MTUS2: variants seen among roughly 807,000 people sequenced by gnomAD.
The protein encoded by MTUS2 is microtubule associated scaffold protein 2.
Under a neutral mutation model 114.1 loss-of-function variants are expected in MTUS2, and 40 were observed. The ratio of observed to expected loss-of-function variants is 0.35; its 90% CI spans 0.27 to 0.46. The LOEUF (loss-of-function observed/expected upper bound fraction) is 0.46. Ranked by LOEUF, MTUS2 falls within the 20% of genes least tolerant of loss-of-function variation. The probability of loss-of-function intolerance (pLI) is 1.00; values close to 1 mark genes in which losing one functional copy is unlikely to be tolerated. For synonymous variants in MTUS2, 688 were observed against 672.0 expected (o/e 1.02, Z -0.37); for missense variants, 1,679 against 1,705.4 (o/e 0.98, Z 0.27).
chr13:29,213,367 A>G (rs1475340517), intron 5 of MTUS2, among the ~76,000 whole-genome samples: 1 of 152,026 alleles, frequency 6.6e-6, no homozygotes, highest in East Asian at 1.9e-4. Flanking sequence ...GTTGTTTGAT[A>G]GCATTGTCAA....
At chr13:29,099,402 A>G (rs539562255) in intron 4 of MTUS2, among the ~76,000 whole-genome samples, 12 of 152,240 alleles carry the variant, frequency 7.9e-5, no homozygotes, top group African/African-American at 2.9e-4. Flanking sequence ...TTCTGCCTTT[A>G]CTGGACACAC....
chr13:29,207,981 A>C (rs1221882378), intron 5 of MTUS2, among the ~76,000 whole-genome samples: 1 of 152,048 alleles, frequency 6.6e-6, no homozygotes, highest in Non-Finnish European at 1.5e-5. Context: ...CTGTCTTTTG[A>C]AATAGTGTCA....
At chr13:29,483,814 C>T (rs1881385925) in intron 10 of MTUS2, 1 of 152,226 alleles carries the variant, frequency 6.6e-6, no homozygotes, top group South Asian at 2.1e-4. Flanking sequence ...TGCCAAATTG[C>T]CACAGCTTCC....
chr13:29,389,405 A>G lies in MTUS2; in HGVS notation c.3117+29932A>G, dbSNP rs1593386193. Among the ~76,000 whole-genome samples, 3 of 101,694 alleles carry G rather than the reference A, an allele frequency of 3.0e-5. 1 individual carries two copies. In the East Asian group the frequency reaches 8.8e-4, roughly 30 times the overall value. The allele number at this position is 101,694 out of a possible 152,430, so 66.7% of individuals were successfully genotyped here. A position where few individuals can be genotyped will look rare whatever the true frequency, so the allele number is the denominator to read the frequency against. On this transcript the variant is annotated intron_variant, in intron 8 of 15. Coordinates refer to ENST00000612955, the MANE Select transcript of MTUS2 (RefSeq NM_001033602.4). ...TGTATACACGTGTGTGTATATATGT[A>G]TACACGTGTGTGTGTATGTATACAC...
intron 2 of MTUS2, among the ~76,000 whole-genome samples, chr13:28,840,293 A>T (rs1331638082): frequency 6.6e-6 from 1 of 152,178 alleles, no homozygotes; most frequent in East Asian, 1.9e-4. Flanking sequence ...GGGAGGAAAA[A>T]CGTGAATGCA....
intron 6 of MTUS2, among the ~76,000 whole-genome samples, chr13:29,283,625 C>T (rs577876943): frequency 7.9e-5 from 12 of 152,102 alleles, no homozygotes; most frequent in African/African-American, 9.7e-5. Flanking sequence ...CATTACTGGA[C>T]GCTATCCCCA....
At chr13:29,114,561 G>A (rs530766544) in intron 5 of MTUS2, among the ~76,000 whole-genome samples, 2 of 152,270 alleles carry the variant, frequency 1.3e-5, no homozygotes, top group South Asian at 4.1e-4. Flanking sequence ...AAGTAGGAGG[G>A]GGAGAGAAAT....
At chr13:29,498,284 T>A in intron 13 of MTUS2, 134 bp from the exon 14 acceptor site, 1 of 1,264,788 alleles carries the variant, frequency 7.9e-7, no homozygotes, top group Non-Finnish European at 1.1e-6. Context: ...GTGAGCATCC[T>A]CTCTCTTTGG....
intron 5 of MTUS2, among the ~76,000 whole-genome samples, chr13:29,196,083 A>G (rs1468711408): frequency 6.6e-6 from 1 of 151,248 alleles, no homozygotes; most frequent in Non-Finnish European, 1.5e-5. Flanking sequence ...ATGACACAGG[A>G]CTAAACTACT....
At chr13:29,133,954 C>G (rs1891868400) in intron 5 of MTUS2, among the ~76,000 whole-genome samples, 1 of 152,158 alleles carries the variant, frequency 6.6e-6, no homozygotes, top group South Asian at 2.1e-4. Flanking sequence ...TCTTCTCATT[C>G]AAGTTCCTTA....
rs71090240 is a variant in MTUS2, at chr13:29,318,391, C to CTTTTT, written c.2807-6215_2807-6211dup. On this transcript the variant is annotated intron_variant, in intron 6 of 15. Coordinates refer to ENST00000612955, the MANE Select transcript of MTUS2 (RefSeq NM_001033602.4). Reference sequence around the variant, plus strand: ...CTATTATCATTTGTTATTTCTTTTTCTTTTTTTTTTTGAGATGACAGCCTC... The same window carrying CTTTTT: ...CTATTATCATTTGTTATTTCTTTTTCTTTTTTTTTTTTTTTTGAGATGACAGCCTC... Among the ~76,000 whole-genome samples the CTTTTT allele has an allele frequency of 6.7e-5, 9 of 135,038 alleles. 1 individual carries two copies. Among genetic ancestry groups the CTTTTT allele is most frequent in the East Asian group, 2.1e-4 (1 of 4,728 alleles). The allele number at this position is 135,038 out of a possible 152,430, so 88.6% of individuals were successfully genotyped here.
intron 7 of MTUS2, among the ~76,000 whole-genome samples, chr13:29,327,308 G>A (rs955308831): frequency 1.3e-5 from 2 of 152,094 alleles, no homozygotes; most frequent in African/African-American, 4.8e-5. Flanking sequence ...TGTGTACGCA[G>A]CTGTGAAACC....
At chr13:29,088,894 G>A (rs2138766598) in intron 4 of MTUS2, among the ~76,000 whole-genome samples, 1 of 152,212 alleles carries the variant, frequency 6.6e-6, no homozygotes, top group Admixed American at 6.5e-5. Context: ...ACACAGTTGG[G>A]TCTTGCTTAT....
intron 2 of MTUS2, among the ~76,000 whole-genome samples, chr13:28,878,243 G>GTA (rs746993039): frequency 6.8e-6 from 1 of 147,204 alleles, no homozygotes; most frequent in Non-Finnish European, 1.5e-5. Flanking sequence ...GTATATATAT[G>GTA]TATATATGTG....
chr13:29,158,894 A>T (rs1212280067), intron 5 of MTUS2, among the ~76,000 whole-genome samples: 1 of 152,172 alleles, frequency 6.6e-6, no homozygotes, highest in African/African-American at 2.4e-5. Context: ...GCCTCCAGAG[A>T]AGCCCACCAG....
chr13:29,011,632 T>G (rs1885848508), intron 2 of MTUS2, among the ~76,000 whole-genome samples: 1 of 152,188 alleles, frequency 6.6e-6, no homozygotes, highest in African/African-American at 2.4e-5. Flanking sequence ...AATAATATGG[T>G]TTTTCCTTTT....
intron 11 of MTUS2, among the ~76,000 whole-genome samples, chr13:29,488,437 CTTTT>C (rs35983023): frequency 5.3e-5 from 6 of 113,784 alleles, no homozygotes; most frequent in African/African-American, 1.0e-4. Context: ...TTTTTTTCCT[CTTTT>C]TTTTTTTTTT....
At chr13:29,375,614 T>TA (rs1566163721) in intron 8 of MTUS2, among the ~76,000 whole-genome samples, 2 of 7,020 alleles carry the variant, frequency 2.8e-4, no homozygotes, top group Admixed American at 3.0e-3. Flanking sequence ...TATACGTATA[T>TA]ATATATATAT....
intron 2 of MTUS2, among the ~76,000 whole-genome samples, chr13:28,969,983 G>A (rs796534919): frequency 3.3e-5 from 5 of 152,106 alleles, no homozygotes; most frequent in African/African-American, 9.7e-5. Flanking sequence ...GTTTCACCAT[G>A]TTGCCAGGCT....
Sources: gnomAD v4.1 joint callset for allele counts (sites outside exome capture counted in the v4.1 genomes callset) on GRCh38, gnomAD v4.1.1 for gene constraint, MANE v1.5 for transcripts, NCBI Gene and HGNC (gene_info 2026-07-23, HGNC 2026-07-21) for gene names.